The following PCDH11X variants were observed in gnomAD, a reference collection of about 807,000 sequenced individuals.
PCDH11X encodes the protein protocadherin-11 X-linked.
Under a neutral mutation model 53.3 loss-of-function variants are expected in PCDH11X, and 18 were observed. That is an observed-to-expected ratio of 0.34 (90% CI 0.23 to 0.50). The LOEUF (loss-of-function observed/expected upper bound fraction) is 0.50, where lower values mean the gene tolerates loss of function less well. Ranked by LOEUF, PCDH11X falls within the 20% of genes least tolerant of loss-of-function variation. The pLI, the probability that PCDH11X is intolerant of heterozygous loss-of-function variation, is 0.98. For synonymous variants in PCDH11X, 279 were observed against 393.3 expected (o/e 0.71, Z 3.44); for missense variants, 570 against 1,032.4 (o/e 0.55, Z 6.14).
chrX:91,861,999 T>G (rs1938700887), intron 5 of PCDH11X, among the ~76,000 whole-genome samples: 1 of 110,916 alleles, frequency 9.0e-6, no homozygotes, highest in Non-Finnish European at 1.9e-5. Context: ...CAACCACACC[T>G]GCATCTAATC....
intron 8 of PCDH11X, among the ~76,000 whole-genome samples, chrX:92,306,437 G>T (rs1245377185): frequency 1.8e-5 from 2 of 108,678 alleles, no homozygotes. Context: ...CTATCCATGA[G>T]ATTAAGAATT....
At chrX:91,803,269 G>A (rs913421275) in intron 1 of PCDH11X, among the ~76,000 whole-genome samples, 22 of 110,864 alleles carry the variant, frequency 2.0e-4, no homozygotes, top group East Asian at 5.7e-4. Context: ...TGAAGCCTCC[G>A]TATAATTGTT....
At chrX:92,465,998 C>T (rs1250619977) in intron 9 of PCDH11X, among the ~76,000 whole-genome samples, 1 of 110,439 alleles carries the variant, frequency 9.1e-6, no homozygotes, top group Non-Finnish European at 1.9e-5. Flanking sequence ...ATAATGATGC[C>T]TAAACTATCG....
In PCDH11X at chrX:92,487,048, C is replaced by CTTTTTTTTTTTTTTTTTTTT. The variant is rs758641899; in HGVS notation, c.3367+18729_3367+18748dup. ...TTATTATCTCTGAGAAATATGCTTC[C>CTTTTTTTTTTTTTTTTTTTT]TTTTTTTTTTTTTTTTTTTTTTGAG... is the stretch of plus-strand genomic sequence containing the variant. On this transcript the variant is annotated intron_variant, in intron 10 of 10. Coordinates refer to ENST00000682573, the MANE Select transcript of PCDH11X (RefSeq NM_032968.5). 7.4e-5 allele frequency among the ~76,000 whole-genome samples: 5 copies of CTTTTTTTTTTTTTTTTTTTT among 67,817 alleles called. 1 individual carries two copies. Among genetic ancestry groups the CTTTTTTTTTTTTTTTTTTTT allele is most frequent in the African/African-American group, 3.1e-4 (5 of 15,889 alleles). The allele number at this position is 67,817 out of a possible 115,157, so 58.9% of individuals were successfully genotyped here.
intron 10 of PCDH11X, among the ~76,000 whole-genome samples, chrX:92,528,953 AT>A (rs1569500827): frequency 7.4e-5 from 8 of 108,636 alleles, no homozygotes; most frequent in Non-Finnish European, 1.1e-4. Flanking sequence ...GAGGGATATG[AT>A]GCATGAGATA....
chrX:92,071,941 G>A, intron 6 of PCDH11X, among the ~76,000 whole-genome samples: 2 of 111,323 alleles, frequency 1.8e-5, no homozygotes, highest in South Asian at 7.6e-4. Flanking sequence ...TATAAGCCCA[G>A]TGATGCTTTC....
intron 1 of PCDH11X, among the ~76,000 whole-genome samples, chrX:91,787,945 A>G (rs1360951114): frequency 9.0e-6 from 1 of 111,575 alleles, no homozygotes; most frequent in Admixed American, 9.5e-5. Flanking sequence ...GGTTTTATAG[A>G]CTCTGAGAGT....
At chrX:92,160,425 C>T (rs1275664175) in intron 6 of PCDH11X, among the ~76,000 whole-genome samples, 1 of 109,441 alleles carries the variant, frequency 9.1e-6, no homozygotes, top group African/African-American at 3.3e-5. Context: ...ATTTTCCATT[C>T]CTGAGTTACT....
intron 5 of PCDH11X, among the ~76,000 whole-genome samples, chrX:91,858,950 A>G (rs1048298870): frequency 9.1e-6 from 1 of 110,060 alleles, no homozygotes; most frequent in Non-Finnish European, 1.9e-5. Context: ...ATTTTGGGGT[A>G]TCTTTACAGC....
Position 92,551,952 on chromosome X carries a change from G to T in PCDH11X, c.3368-66312G>T, listed in dbSNP as rs1244959196. On this transcript the variant is annotated intron_variant, in intron 10 of 10. Coordinates refer to ENST00000682573, the MANE Select transcript of PCDH11X (RefSeq NM_032968.5). The stretch of plus-strand genomic sequence containing the variant: ...AGGCTGTGTTGGTTACTATAGCAGT[G>T]TAGTATAATTTGAAGTCAGGTAAGG... Among the ~76,000 whole-genome samples, 9 of 89,460 alleles carry T rather than the reference G, an allele frequency of 1.0e-4. No homozygotes were observed. The East Asian group carries it at 3.1e-3, about 31-fold the overall frequency. The allele number at this position is 89,460 out of a possible 115,157, so 77.7% of individuals were successfully genotyped here. A position where few individuals can be genotyped will look rare whatever the true frequency, so the allele number is the denominator to read the frequency against.
chrX:92,380,822 C>T (rs1484690272), intron 8 of PCDH11X, among the ~76,000 whole-genome samples: 1 of 102,084 alleles, frequency 9.8e-6, no homozygotes, highest in Non-Finnish European at 2.0e-5. Flanking sequence ...AGTGCCATAT[C>T]AATTTACTCC....
At chrX:92,316,704 T>C (rs1181502345) in intron 8 of PCDH11X, among the ~76,000 whole-genome samples, 3 of 111,225 alleles carry the variant, frequency 2.7e-5, no homozygotes, top group Non-Finnish European at 3.8e-5. Flanking sequence ...AATAACTTAC[T>C]GGGGTCAAAA....
intron 6 of PCDH11X, among the ~76,000 whole-genome samples, chrX:92,064,700 A>G (rs1023799148): frequency 9.1e-6 from 1 of 110,005 alleles, no homozygotes; most frequent in African/African-American, 3.3e-5. Flanking sequence ...GAAACTTATT[A>G]GTTCTAAATT....
At chrX:92,174,238 A>AG (rs1428784566) in intron 6 of PCDH11X, among the ~76,000 whole-genome samples, 1 of 109,882 alleles carries the variant, frequency 9.1e-6, no homozygotes, top group Non-Finnish European at 1.9e-5. Context: ...AGAAAAAAAA[A>AG]CCTCATAAAA....
At chrX:92,564,586 C>T (rs1245386820) in intron 10 of PCDH11X, among the ~76,000 whole-genome samples, 3 of 109,822 alleles carry the variant, frequency 2.7e-5, no homozygotes, top group Non-Finnish European at 5.7e-5. Context: ...TAAAACTAGA[C>T]CCCTATCTCT....
intron 7 of PCDH11X, among the ~76,000 whole-genome samples, chrX:92,201,958 G>A (rs1302116895): frequency 9.0e-6 from 1 of 111,362 alleles, no homozygotes; most frequent in Non-Finnish European, 1.9e-5. Context: ...GGAACATAAG[G>A]TTGAGTGAGA....
At chrX:92,506,675 A>T (rs1189060328) in intron 10 of PCDH11X, among the ~76,000 whole-genome samples, 22 of 98,879 alleles carry the variant, frequency 2.2e-4, no homozygotes, top group Non-Finnish European at 3.2e-4. Context: ...ATCTAGGTTC[A>T]TCAATTATAC....
At chrX:92,180,092 G>A (rs2065970904) in intron 6 of PCDH11X, among the ~76,000 whole-genome samples, 1 of 112,317 alleles carries the variant, frequency 8.9e-6, no homozygotes, top group Non-Finnish European at 1.9e-5. Flanking sequence ...AGGAAGCATG[G>A]CTGAAAAGCC....
At chrX:92,244,672 T>C (rs2067315948) in intron 7 of PCDH11X, among the ~76,000 whole-genome samples, 1 of 111,736 alleles carries the variant, frequency 8.9e-6, no homozygotes, top group Non-Finnish European at 1.9e-5. Flanking sequence ...CTCACTATTG[T>C]CATTGGTGTT....
Sources: gnomAD v4.1 joint callset for allele counts (sites outside exome capture counted in the v4.1 genomes callset) on GRCh38, gnomAD v4.1.1 for gene constraint, MANE v1.5 for transcripts, NCBI Gene and HGNC (gene_info 2026-07-23, HGNC 2026-07-21) for gene names.